The following USP24 variants were observed in gnomAD, a reference collection of about 807,000 sequenced individuals.
The protein encoded by USP24 is ubiquitin specific peptidase 24.
A neutral mutation model predicts 361.6 loss-of-function variants in USP24; 97 were observed. The ratio of observed to expected loss-of-function variants is 0.27; its 90% CI spans 0.23 to 0.32. The LOEUF (loss-of-function observed/expected upper bound fraction) is 0.32. USP24 is among the 10% of genes least tolerant of loss of function. The pLI is 1.00. For synonymous variants in USP24, 1,098 were observed against 1,124.6 expected, an observed-to-expected ratio of 0.98 and a Z score of 0.47; for missense variants, 2,353 against 3,165.6, an observed-to-expected ratio of 0.74 and a Z score of 6.16.
At chr1:55,118,756 G>A (rs1646193171) in intron 38 of USP24, among the ~76,000 whole-genome samples, 1 of 152,186 alleles carries the variant, frequency 6.6e-6, no homozygotes, top group Non-Finnish European at 1.5e-5. Flanking sequence ...TAAAATAGAT[G>A]TTTCTCCAAA....
chr1:55,082,966 A>T (rs1398122685), intron 58 of USP24, among the ~76,000 whole-genome samples: 2 of 152,048 alleles, frequency 1.3e-5, no homozygotes, highest in Non-Finnish European at 2.9e-5. Context: ...CCTTGTTCAC[A>T]GCCCCAGAGA....
At position 55,095,216 on chromosome 1, in the gene USP24, T is replaced by C. The variant is rs1326724389; in HGVS notation, c.6203+39A>G. On this transcript the variant is annotated intron_variant, in intron 51 of 67. Transcript: ENST00000294383. ...ATTGTCACAGACCACATCATCACCA[T>C]AGAAATCACACAGCAAATTACATGG... 8 of 1,606,606 alleles carry C rather than the reference T, an allele frequency of 5.0e-6. 1 individual carries two copies. Among genetic ancestry groups the C allele is most frequent in the South Asian group, 4.4e-5 (4 of 89,952 alleles).
intron 18 of USP24, 73 bp downstream of exon 18, chr1:55,147,576 C>A: frequency 7.1e-7 from 1 of 1,402,368 alleles, no homozygotes. Flanking sequence ...AACAAAAATT[C>A]TTTTTATAGT....
Position 55,148,519 on chromosome 1 carries a change from G to C in USP24, c.1912C>G (p.Gln638Glu), listed in dbSNP as rs1215773825. ...AATGAGCGAGTAATTTCATGGAGCT[G>C]ACGCAAAGCTGGTACCACCCATACA... ...QFVWVVPALR[Q>E]LHEITRSFIK... The change falls in exon 17 of 68, where the codon CAG becomes GAG. Residue 638 changes from glutamine (Q) to glutamate (E), a missense_variant. Gln to Glu is a conservative substitution (Grantham distance 29). This residue lies in a region of USP24 where 386 missense variants were observed against 560.5 expected (regional missense o/e 0.69). Coordinates refer to ENST00000294383, the MANE Select transcript of USP24 (RefSeq NM_015306.3). The C allele has an allele frequency of 6.3e-7, 1 of 1,597,182 alleles. No individual in the cohort carries two copies. The highest frequency in any genetic ancestry group is 8.5e-7 in the Non-Finnish European group (1 of 1,170,852).
chr1:55,183,367 G>T (rs1296507109), intron 1 of USP24, among the ~76,000 whole-genome samples: 1 of 152,106 alleles, frequency 6.6e-6, no homozygotes, highest in Non-Finnish European at 1.5e-5. Context: ...ATATATGTCT[G>T]TATATCTAAA....
chr1:55,149,493 C>T (rs901557314), intron 16 of USP24, among the ~76,000 whole-genome samples: 2 of 152,176 alleles, frequency 1.3e-5, no homozygotes, highest in Non-Finnish European at 2.9e-5. Context: ...TGTAGAGAAA[C>T]ATCTCACTAT....
chr1:55,159,579 C>T (rs573648647), intron 9 of USP24, 32 bp downstream of exon 9: 2 of 1,543,802 alleles, frequency 1.3e-6, no homozygotes, highest in African/African-American at 1.4e-5. Flanking sequence ...CTAACTGGCA[C>T]TGGGGCCTAT....
intron 31 of USP24, among the ~76,000 whole-genome samples, chr1:55,129,791 A>T (rs1474427194): frequency 2.0e-5 from 3 of 152,210 alleles, no homozygotes; most frequent in African/African-American, 7.2e-5. Flanking sequence ...GTTCTAGAGA[A>T]AGCTGGTGTG....
intron 58 of USP24, 129 bp from the exon 59 acceptor site, chr1:55,081,553 C>A: frequency 2.3e-6 from 2 of 856,596 alleles, no homozygotes; most frequent in Admixed American, 2.3e-5. Flanking sequence ...CAGAAGAGGT[C>A]AAGGTACAAA....
At position 55,072,391 on chromosome 1, in the gene USP24, A is replaced by G. The variant is rs780015152; in HGVS notation, c.7615T>C (p.Tyr2539His). 14 of 1,613,288 alleles carry G rather than the reference A, an allele frequency of 8.7e-6. No individual in the cohort carries two copies. Among genetic ancestry groups the G allele is most frequent in the African/African-American group, 1.3e-5 (1 of 75,010 alleles). Residue 2539 changes from tyrosine to histidine, a missense_variant, in exon 66 of 68, where the codon TAC (tyrosine) becomes CAC (histidine). By Grantham distance (83) the Tyr-to-His change is moderately conservative. Around this residue, in one of 8 missense-constraint regions of USP24, gnomAD observed 598 missense variants for 761.9 expected, o/e 0.78. Transcript: ENST00000294383. ...QWLQKKMSEH[Y>H]WTPQSNVSNE... is the part of the protein sequence containing the mutation. ...GAGACATTACTCTGTGGTGTCCAGT[A>G]ATGTTCTGACATCTGAGATGAAAGG...
intron 54 of USP24, among the ~76,000 whole-genome samples, chr1:55,090,748 G>A (rs1372594024): frequency 6.6e-6 from 1 of 152,154 alleles, no homozygotes; most frequent in African/African-American, 2.4e-5. Flanking sequence ...GACTTATCCA[G>A]AACCTATAAT....
intron 5 of USP24, among the ~76,000 whole-genome samples, chr1:55,168,673 C>G: frequency 6.6e-6 from 1 of 152,138 alleles, no homozygotes; most frequent in East Asian, 1.9e-4. Flanking sequence ...GATTTACCTG[C>G]GGAAAGGGAA....
intron 40 of USP24, among the ~76,000 whole-genome samples, chr1:55,106,524 C>A (rs1645778522): frequency 6.6e-6 from 1 of 152,162 alleles, no homozygotes; most frequent in South Asian, 2.1e-4. Flanking sequence ...AGGAGTCAAG[C>A]TTTCACTTTA....
intron 34 of USP24, among the ~76,000 whole-genome samples, chr1:55,124,905 T>C (rs1180873855): frequency 6.6e-6 from 1 of 152,176 alleles, no homozygotes. Context: ...TGACCTCCCA[T>C]AAGCTCTGGT....
intron 54 of USP24, among the ~76,000 whole-genome samples, chr1:55,090,034 T>C (rs746100050): frequency 1.3e-5 from 2 of 152,236 alleles, no homozygotes; most frequent in Non-Finnish European, 2.9e-5. Flanking sequence ...CTTCTGCATC[T>C]TCATCAAACA....
At chr1:55,201,748 G>A (rs1183596303) in intron 1 of USP24, among the ~76,000 whole-genome samples, 1 of 152,048 alleles carries the variant, frequency 6.6e-6, no homozygotes, top group African/African-American at 2.4e-5. Flanking sequence ...AGGAGGAAGG[G>A]AAGAAAGAAC....
At chr1:55,124,772 C>T in intron 34 of USP24, 144 bp from the exon 35 acceptor site, 1 of 834,006 alleles carries the variant, frequency 1.2e-6, no homozygotes, top group East Asian at 2.7e-5. Flanking sequence ...AAGCTGCCAT[C>T]CTGCTCAAGG....
At chr1:55,163,355 AG>A (rs1648494447) in intron 7 of USP24, among the ~76,000 whole-genome samples, 1 of 152,040 alleles carries the variant, frequency 6.6e-6, no homozygotes, top group African/African-American at 2.4e-5. Context: ...CTAGGAGAAA[AG>A]ATTTACAAAT....
At position 55,182,864 on chromosome 1, in the gene USP24, A is replaced by G. The variant is rs140761655; in HGVS notation, c.325-4732T>C. Among the ~76,000 whole-genome samples, 642 of 152,162 alleles carry G rather than the reference A, an allele frequency of 4.2e-3. 2 individuals carry two copies. The highest frequency in any genetic ancestry group is 0.014 in the African/African-American group (594 of 41,512). ...CGAGTAGCTGGGACTACAAGCGCAT[A>G]CCACCATGTCCAGCTCATTTTTGTA... On this transcript the variant is annotated intron_variant, in intron 1 of 67. Coordinates refer to ENST00000294383, the MANE Select transcript of USP24 (RefSeq NM_015306.3).
Sources: gnomAD v4.1 joint callset for allele counts (sites outside exome capture counted in the v4.1 genomes callset) on GRCh38, gnomAD v4.1.1 for gene constraint, gnomAD v4.1.1 regional missense constraint, MANE v1.5 for transcripts, NCBI Gene and HGNC (gene_info 2026-07-23, HGNC 2026-07-21) for gene names.